The following PCDHGA4 variants were observed in gnomAD, a reference collection of about 807,000 sequenced individuals.
The protein encoded by PCDHGA4 is protocadherin gamma-A4.
PCDHGA4 carries 38 observed loss-of-function variants against 54.6 expected under a neutral mutation model. That is an observed-to-expected ratio of 0.70 (90% confidence interval 0.54 to 0.91). PCDHGA4 has a LOEUF of 0.91. Among genes scored for constraint, PCDHGA4 ranks in the 40% least tolerant of loss-of-function variants. The pLI, the probability that PCDHGA4 is intolerant of heterozygous loss-of-function variation, is 0.00. For synonymous variants in PCDHGA4, 511 were observed against 512.9 expected, an observed-to-expected ratio of 1.00 and a Z score of 0.05; for missense variants, 1,298 against 1,220.9, an observed-to-expected ratio of 1.06 and a Z score of -0.94.
chr5:141,384,471 G>T lies in PCDHGA4; in HGVS notation c.2514+26850G>T, dbSNP rs200621761. On this transcript the variant is annotated intron_variant, in intron 1 of 3. Coordinates refer to ENST00000571252, the MANE Select transcript of PCDHGA4 (RefSeq NM_018917.4). ...CGCTGCAATCCTTTGATTATGAGCA[G>T]TTGAGAGAACTACAACTAAGAGTGA... The T allele has an allele frequency of 1.4e-4, 226 of 1,614,000 alleles. No homozygotes were observed. The highest frequency in any genetic ancestry group is 4.2e-4 in the Admixed American group (25 of 60,010).
intron 1 of PCDHGA4, chr5:141,360,650 T>G (rs1234526049): frequency 8.7e-6 from 14 of 1,613,994 alleles, no homozygotes; most frequent in Admixed American, 1.7e-5. Context: ...AGATACCACC[T>G]TAATGACAAC....
chr5:141,356,292 A>G lies in PCDHGA4; in HGVS notation c.1185A>G (p.Thr395=). 6.4e-7 allele frequency: 1 copy of G among 1,555,616 alleles called. No individual in the cohort carries two copies. The highest frequency in any genetic ancestry group is 8.7e-7 in the Non-Finnish European group (1 of 1,149,014). Residue 395 remains threonine (T), a synonymous_variant, in exon 1 of 4, where the codon ACA becomes ACG. Transcript: ENST00000571252. ...SSVQESSSPG[T]VIALFNVHDS... is the part of the protein sequence containing the mutation. ...TCCAGGAATCTTCTTCCCCGGGTAC[A>G]GTAATTGCACTTTTCAACGTGCATG...
In PCDHGA4 at chr5:141,375,715, C is replaced by T. The variant is rs773544417; in HGVS notation, c.2514+18094C>T. 3.7e-6 allele frequency: 6 copies of T among 1,614,284 alleles called. 1 individual carries two copies. Among genetic ancestry groups the T allele is most frequent in the Non-Finnish European group, 5.1e-6 (6 of 1,180,050 alleles). Reference sequence around the variant, plus strand: ...ACAGCGGGGACCCGCCTCTTAGCAGCAACGTGTCACTGAGCCTGTTTGTGC... The same window carrying T: ...ACAGCGGGGACCCGCCTCTTAGCAGTAACGTGTCACTGAGCCTGTTTGTGC... On this transcript the variant is annotated intron_variant, in intron 1 of 3. Coordinates refer to ENST00000571252, the MANE Select transcript of PCDHGA4 (RefSeq NM_018917.4).
intron 3 of PCDHGA4, among the ~76,000 whole-genome samples, chr5:141,510,660 G>A (rs2099882170): frequency 1.3e-5 from 2 of 152,174 alleles, no homozygotes; most frequent in East Asian, 1.9e-4. Context: ...TTTTGCAGAT[G>A]AGAAAACTGA....
At chr5:141,375,730 C>T in intron 1 of PCDHGA4, 3 of 1,614,266 alleles carry the variant, frequency 1.9e-6, no homozygotes, top group Non-Finnish European at 2.5e-6. Context: ...TGTCACTGAG[C>T]CTGTTTGTGC....
At chr5:141,365,608 C>T in intron 1 of PCDHGA4, 11 of 1,613,576 alleles carry the variant, frequency 6.8e-6, no homozygotes, top group Non-Finnish European at 9.3e-6. Flanking sequence ...CCGTCATGGA[C>T]CATGGAACCC....
chr5:141,404,907 C>T (rs2094582940), intron 1 of PCDHGA4: 1 of 1,613,890 alleles, frequency 6.2e-7, no homozygotes. Context: ...CATGGCCAGC[C>T]CCCTCTCTCG....
chr5:141,427,683 G>T, intron 1 of PCDHGA4: 1 of 836,052 alleles, frequency 1.2e-6, no homozygotes, highest in African/African-American at 1.7e-5. Context: ...CCTTCCCGGA[G>T]CCTCCATCCC....
At chr5:141,399,409 CT>C in intron 1 of PCDHGA4, 2 of 1,614,052 alleles carry the variant, frequency 1.2e-6, no homozygotes, top group South Asian at 2.2e-5. Flanking sequence ...CAAGCCGCCC[CT>C]CTCCTCCAGC....
intron 1 of PCDHGA4, among the ~76,000 whole-genome samples, chr5:141,465,788 T>A (rs1322471400): frequency 6.6e-6 from 1 of 152,110 alleles, no homozygotes; most frequent in Non-Finnish European, 1.5e-5. Context: ...AGTTTTTTTT[T>A]TTTTAAGAAA....
intron 2 of PCDHGA4, 69 bp from the exon 3 acceptor site, chr5:141,505,324 G>T: frequency 6.2e-7 from 1 of 1,607,102 alleles, no homozygotes; most frequent in African/African-American, 1.3e-5. Context: ...GGAGCCCTGG[G>T]AGAGGACAGG....
rs766460257 is a variant in PCDHGA4, at chr5:141,398,407, G to A, written c.2514+40786G>A. 4.0e-5 allele frequency: 59 copies of A among 1,474,004 alleles called. No homozygotes were observed. The Middle Eastern group carries it at 1.0e-3, about 26-fold the overall frequency. 91.3% of individuals were successfully genotyped at this position (1,474,004 alleles called of 1,614,324 possible). A position where few individuals can be genotyped will look rare whatever the true frequency, so the allele number is the denominator to read the frequency against. On this transcript the variant is annotated intron_variant, in intron 1 of 3. Transcript: ENST00000571252. ...TGTGAGCAGCAGGCTAGACAGGGAG[G>A]AGATATGCGGGAAGAAGCCAGCTTG...
Position 141,477,983 on chromosome 5 carries a change from C to T in PCDHGA4, c.2515-16824C>T. 1 of 1,614,126 alleles carries T rather than the reference C, an allele frequency of 6.2e-7. No individual in the cohort carries two copies. Among genetic ancestry groups the T allele is most frequent in the Non-Finnish European group, 8.5e-7 (1 of 1,180,024 alleles). ...TAACCAGAGCCTTTTTGCCATAGGGCTGCACACTGGTCAAATCAGTACTGC... is the reference window on the plus strand; with the variant it reads ...TAACCAGAGCCTTTTTGCCATAGGGTTGCACACTGGTCAAATCAGTACTGC... On this transcript the variant is annotated intron_variant, in intron 1 of 3. Coordinates refer to ENST00000571252, the MANE Select transcript of PCDHGA4 (RefSeq NM_018917.4). The surrounding 1 kb of genome is among the most constrained non-coding windows in gnomAD (Gnocchi z 4.9).
Position 141,477,114 on chromosome 5 carries a change from G to C in PCDHGA4, c.2515-17693G>C. ...AAAGACAAGGGCGCCAATCCCGAAG[G>C]AGCACATTGCAAAGTGTTGGTGGAG... is the stretch of plus-strand genomic sequence containing the variant. On this transcript the variant is annotated intron_variant, in intron 1 of 3. Coordinates refer to ENST00000571252, the MANE Select transcript of PCDHGA4 (RefSeq NM_018917.4). This position sits in a 1 kb window ranked among gnomAD's most constrained non-coding sequence, Gnocchi z 4.9. 4.3e-6 allele frequency: 7 copies of C among 1,614,234 alleles called. No homozygotes were observed. Among genetic ancestry groups the C allele is most frequent in the Non-Finnish European group, 5.9e-6 (7 of 1,180,046 alleles).
At chr5:141,384,052 A>G in intron 1 of PCDHGA4, 1 of 1,611,012 alleles carries the variant, frequency 6.2e-7, no homozygotes, top group Non-Finnish European at 8.5e-7. Context: ...GGTGACCTGC[A>G]CCATTCCAGA....
At chr5:141,391,839 T>G (rs995589062) in intron 1 of PCDHGA4, 1 of 152,244 alleles carries the variant, frequency 6.6e-6, no homozygotes, top group Non-Finnish European at 1.5e-5. Context: ...AGAATATATG[T>G]AAAAGTCAAG....
intron 1 of PCDHGA4, among the ~76,000 whole-genome samples, chr5:141,381,974 C>A (rs1049134937): frequency 6.6e-6 from 1 of 151,492 alleles, no homozygotes; most frequent in Non-Finnish European, 1.5e-5. Flanking sequence ...GGATTACAGG[C>A]GCGCGCCACC....
chr5:141,372,827 T>C (rs1457588912), intron 1 of PCDHGA4: 7 of 1,550,888 alleles, frequency 4.5e-6, no homozygotes, highest in Non-Finnish European at 6.1e-6. Flanking sequence ...TCTTCAAACC[T>C]TTCCTTCCAT....
chr5:141,375,877 G>A lies in PCDHGA4; in HGVS notation c.2514+18256G>A, dbSNP rs752155500. ...AGGTGGTGGCGGTGGACAGAGACTC[G>A]GGCCAGAACGCCTGGCTGTCCTACC... On this transcript the variant is annotated intron_variant, in intron 1 of 3. Transcript: ENST00000571252. 8 of 1,613,676 alleles carry A rather than the reference G, an allele frequency of 5.0e-6. No individual in the cohort carries two copies. In the East Asian group the frequency reaches 1.3e-4, roughly 27 times the overall value.
Sources: allele counts gnomAD v4.1 joint callset (sites outside exome capture counted in the v4.1 genomes callset), GRCh38; gene constraint gnomAD v4.1.1; non-coding constraint Gnocchi (gnomAD v3.1); transcripts MANE v1.5; gene names NCBI Gene and HGNC (gene_info 2026-07-23, HGNC 2026-07-21).